The following NUP160 variants were observed in gnomAD, a reference collection of about 807,000 sequenced individuals.
NUP160 encodes the protein nucleoporin 160.
Under a neutral mutation model 196.9 loss-of-function variants are expected in NUP160, and 94 were observed. The observed-to-expected ratio is 0.48, with a 90% CI of 0.40 to 0.57. The LOEUF is 0.57. Ranked by LOEUF, NUP160 falls within the 20% of genes least tolerant of loss-of-function variation. NUP160 has a pLI of 0.00. For missense variants in NUP160, 1,638 were observed against 1,748.3 expected (o/e 0.94, Z 1.13); for synonymous variants, 605 against 619.7 (o/e 0.98, Z 0.35).
chr11:47,827,994 C>A (rs1852004932), intron 7 of NUP160, among the ~76,000 whole-genome samples: 1 of 152,124 alleles, frequency 6.6e-6, no homozygotes, highest in Non-Finnish European at 1.5e-5. Flanking sequence ...CTCAGCCCCT[C>A]AAATAGCTGG....
At chr11:47,780,307 G>GCTT (rs756703963) in intron 35 of NUP160, 36 bp downstream of exon 35, 32 of 1,340,688 alleles carry the variant, frequency 2.4e-5, no homozygotes, top group Non-Finnish European at 3.4e-5. Flanking sequence ...TAGTGCAGGG[G>GCTT]CTTACACAAG....
Position 47,826,560 on chromosome 11 carries a change from T to TCC in NUP160, c.1102-4398_1102-4397dup, listed in dbSNP as rs11326952. On this transcript the variant is annotated intron_variant, in intron 7 of 35. Transcript: ENST00000378460. ...TTTCAGGGGGTCAGTGAGGTAAAAA[T>TCC]CCCCCCCCCCTTTTTTTTTTGAGAC... 2.6e-3 allele frequency among the ~76,000 whole-genome samples: 370 copies of TCC among 143,360 alleles called. 1 individual carries two copies. The highest frequency in any genetic ancestry group is 3.6e-3 in the Middle Eastern group (1 of 278). The allele number at this position is 143,360 out of a possible 152,430, so 94.0% of individuals were successfully genotyped here.
At chr11:47,826,509 C>T (rs755081468) in intron 7 of NUP160, among the ~76,000 whole-genome samples, 1 of 151,870 alleles carries the variant, frequency 6.6e-6, no homozygotes, top group Non-Finnish European at 1.5e-5. Flanking sequence ...ATGTGGTCCA[C>T]AGATTCCTAG....
At chr11:47,788,542 A>T in exon 30 of NUP160, 1 of 1,614,128 alleles carries the variant, frequency 6.2e-7, no homozygotes, top group Non-Finnish European at 8.5e-7. Context: ...AGCCAAAGTG[A>T]GGCGGATGCG....
intron 11 of NUP160, among the ~76,000 whole-genome samples, chr11:47,817,604 C>G (rs749418567): frequency 6.6e-6 from 1 of 152,122 alleles, no homozygotes; most frequent in South Asian, 2.1e-4. Context: ...CTCAGCCTCC[C>G]GAAGTGCTGG....
intron 27 of NUP160, among the ~76,000 whole-genome samples, chr11:47,793,744 T>C (rs1308997039): frequency 7.1e-6 from 1 of 140,138 alleles, no homozygotes. Context: ...TTTTTTTTTT[T>C]TTTTTTTTTT....
At chr11:47,798,669 T>G (rs1001196243) in intron 23 of NUP160, among the ~76,000 whole-genome samples, 1 of 151,710 alleles carries the variant, frequency 6.6e-6, no homozygotes, top group African/African-American at 2.4e-5. Context: ...TACAAAAAAA[T>G]TTTTTTAAAA....
intron 27 of NUP160, among the ~76,000 whole-genome samples, chr11:47,793,470 C>T (rs552594817): frequency 8.6e-5 from 13 of 152,014 alleles, no homozygotes; most frequent in African/African-American, 3.1e-4. Flanking sequence ...GGTGCAGCTG[C>T]TATGGAAAAC....
intron 34 of NUP160, among the ~76,000 whole-genome samples, chr11:47,781,359 C>T (rs753867332): frequency 1.6e-4 from 25 of 151,964 alleles, no homozygotes; most frequent in Middle Eastern, 3.4e-3. Flanking sequence ...ACCTCCAGGG[C>T]TCATGTGATC....
Position 47,803,573 on chromosome 11 carries a change from A to G in NUP160, c.2677-37T>C, listed in dbSNP as rs369595080. On this transcript the variant is annotated intron_variant, in intron 21 of 35. Coordinates refer to ENST00000378460, the Ensembl canonical transcript of NUP160. Reference sequence around the variant, plus strand: ...AAAAGGTGCTTTCTGATTAGAAAATAAATGTTACTTAAGGAGATACTCATT... The same window carrying G: ...AAAAGGTGCTTTCTGATTAGAAAATGAATGTTACTTAAGGAGATACTCATT... 35 of 1,129,598 alleles carry G rather than the reference A, an allele frequency of 3.1e-5. 2 individuals carry two copies. The highest frequency in any genetic ancestry group is 7.6e-5 in the African/African-American group (5 of 65,604). The allele number at this position is 1,129,598 out of a possible 1,614,324, so 70.0% of individuals were successfully genotyped here. A position where few individuals can be genotyped will look rare whatever the true frequency, so the allele number is the denominator to read the frequency against.
At chr11:47,847,649 G>T (rs1470045275) in intron 2 of NUP160, among the ~76,000 whole-genome samples, 199 bp downstream of exon 2, 1 of 23,398 alleles carries the variant, frequency 4.3e-5, no homozygotes, top group African/African-American at 6.2e-5. Context: ...GTGTGGGGGT[G>T]GGGGGGGGGA....
intron 13 of NUP160, among the ~76,000 whole-genome samples, chr11:47,813,922 T>A (rs2097682624): frequency 6.6e-6 from 1 of 151,386 alleles, no homozygotes; most frequent in Non-Finnish European, 1.5e-5. Flanking sequence ...ATACAAAAAA[T>A]TAGCCAGGTG....
chr11:47,797,846 G>A (rs1319530920), exon 27 of NUP160: 5 of 1,612,632 alleles, frequency 3.1e-6, no homozygotes, highest in Non-Finnish European at 4.2e-6. Context: ...GAGTCATAAG[G>A]TCCACAGCTC....
chr11:47,801,883 T>C (rs773265620), exon 23 of NUP160: 38 of 1,613,788 alleles, frequency 2.4e-5, no homozygotes, highest in Non-Finnish European at 3.2e-5. Flanking sequence ...GATCCAAGAA[T>C]TCCTCTTTGC....
At chr11:47,793,730 T>G (rs1599310244) in intron 27 of NUP160, among the ~76,000 whole-genome samples, 7 of 29,604 alleles carry the variant, frequency 2.4e-4, no homozygotes, top group African/African-American at 3.4e-4. Context: ...CTGTTTTTTT[T>G]TTTTTTTTTT....
At chr11:47,801,215 T>C (rs1334526065) in intron 23 of NUP160, among the ~76,000 whole-genome samples, 1 of 152,184 alleles carries the variant, frequency 6.6e-6, no homozygotes, top group African/African-American at 2.4e-5. Context: ...AATAATAAAA[T>C]TCTAATGGCA....
At chr11:47,782,706 T>A (rs2097662163) in intron 34 of NUP160, among the ~76,000 whole-genome samples, 1 of 152,154 alleles carries the variant, frequency 6.6e-6, no homozygotes, top group Non-Finnish European at 1.5e-5. Flanking sequence ...TTGCCCAGGC[T>A]GGAGTGCAGT....
exon 6 of NUP160, chr11:47,836,912 T>C (rs184807022): frequency 5.0e-6 from 8 of 1,610,908 alleles, no homozygotes; most frequent in Middle Eastern, 1.7e-4. Flanking sequence ...TCGTAGTTTA[T>C]GATCCTGACA....
chr11:47,831,058 G>C (rs1852063890), intron 7 of NUP160, among the ~76,000 whole-genome samples: 1 of 152,106 alleles, frequency 6.6e-6, no homozygotes, highest in African/African-American at 2.4e-5. Context: ...AGCTACTTGG[G>C]GGACTGAGGC....
Sources: gnomAD v4.1 joint callset for allele counts (sites outside exome capture counted in the v4.1 genomes callset) on GRCh38, gnomAD v4.1.1 for gene constraint, MANE v1.5 for transcripts, NCBI Gene and HGNC (gene_info 2026-07-23, HGNC 2026-07-21) for gene names.